Variants in PRSS54 observed in about 807,000 individuals in gnomAD.
PRSS54 encodes serine protease 54.
In PRSS54, 16 loss-of-function variants were observed where a neutral mutation model predicts 19.9. The observed-to-expected ratio is 0.80, with a 90% CI of 0.54 to 1.22. PRSS54 has a LOEUF of 1.22. Among genes scored for constraint, PRSS54 ranks in the 50% most tolerant of loss-of-function variants. The pLI is 0.00. For missense variants in PRSS54, 444 were observed against 494.8 expected (o/e 0.90, Z 0.97); for synonymous variants, 177 against 195.8 (o/e 0.90, Z 0.80).
intron 5 of PRSS54, among the ~76,000 whole-genome samples, chr16:58,285,526 CA>C (rs1337921363): frequency 6.6e-6 from 1 of 152,054 alleles, no homozygotes; most frequent in African/African-American, 2.4e-5. Context: ...TGCTTGAGCC[CA>C]GGAGTTCGAT....
chr16:58,286,076 T>C lies in PRSS54; in HGVS notation c.383A>G (p.Asn128Ser). Residue 128 changes from asparagine (N) to serine (S), a missense_variant, in exon 5 of 7, where the codon AAC (asparagine) becomes AGC (serine). Transcript: ENST00000567164. ...HEDFDNNSMSNNIALLKTDTA... is the reference protein window; with the variant it reads ...HEDFDNNSMSSNIALLKTDTA... The stretch of plus-strand genomic sequence containing the variant: ...GTCTGTCTTCAGGAGGGCTATGTTG[T>C]TGCTCATGGAGTTGTTATCAAAGTC... The C allele has an allele frequency of 6.2e-7, 1 of 1,614,234 alleles. No individual in the cohort carries two copies. The highest frequency in any genetic ancestry group is 8.5e-7 in the Non-Finnish European group (1 of 1,180,040).
In PRSS54 at chr16:58,284,624, C is replaced by G; in HGVS notation, c.620G>C (p.Ser207Thr). The change falls in exon 6 of 7, where the codon AGC (serine) becomes ACC (threonine). Residue 207 changes from serine (S) to threonine (T), a missense_variant. Physicochemically the swap from Ser to Thr is moderately conservative, Grantham distance 58. Coordinates refer to ENST00000567164, the MANE Select transcript of PRSS54 (RefSeq NM_001305173.2). The part of the protein sequence containing the change: ...LYKLQKTECG[S>T]HTKEETKTAC... ...AGTCTTGGTTTCCTCTTTCGTGTGG[C>G]TGCCGCATTCTGTCTTCTGGAGTTT... 1 of 1,614,072 alleles carries G rather than the reference C, an allele frequency of 6.2e-7. No individual in the cohort carries two copies. The highest frequency in any genetic ancestry group is 8.5e-7 in the Non-Finnish European group (1 of 1,179,996).
Position 58,293,773 on chromosome 16 carries a change from C to T in PRSS54, c.44G>A (p.Gly15Glu), listed in dbSNP as rs541944968. 1.5e-5 allele frequency: 24 copies of T among 1,613,424 alleles called. No homozygotes were observed. The South Asian group carries it at 2.3e-4, about 16-fold the overall frequency. ...AGLSGDGKMRGVLLVLLGLLY... is the reference protein window; with the variant it reads ...AGLSGDGKMREVLLVLLGLLY... ...AAGGCCGAGCAGCACCAGGAGCACC[C>T]CTCGCATCTTGCCATCCCCAGAGAG... Residue 15 changes from glycine to glutamate, a missense_variant, in exon 3 of 7, where the codon GGG (glycine) becomes GAG (glutamate). Transcript: ENST00000567164.
intron 4 of PRSS54, among the ~76,000 whole-genome samples, chr16:58,286,520 A>G (rs1357957826): frequency 1.3e-5 from 2 of 151,378 alleles, no homozygotes; most frequent in East Asian, 1.9e-4. Context: ...TACATATTGT[A>G]GTTTGCAAAA....
intron 4 of PRSS54, among the ~76,000 whole-genome samples, chr16:58,289,087 G>A (rs1279334026): frequency 6.6e-6 from 1 of 152,192 alleles, no homozygotes; most frequent in Non-Finnish European, 1.5e-5. Context: ...TGAGGTATAA[G>A]GCTGGGGCTG....
In PRSS54 at chr16:58,291,001, C is replaced by T. The variant is rs754018458; in HGVS notation, c.221G>A (p.Ser74Asn). The change falls in exon 4 of 7, where the codon AGC becomes AAC. Residue 74 changes from serine (S) to asparagine (N), a missense_variant. By Grantham distance (46) the Ser-to-Asn change is conservative. Transcript: ENST00000567164. ...TGCGATGCTGAGGACCCAGAACTCG[C>T]TCAGGATGCAGCCGAAAGCCAGGTG... ...YTHLAFGCIL[S>N]EFWVLSIASA... The T allele has an allele frequency of 1.2e-6, 2 of 1,614,258 alleles. No homozygotes were observed. Among genetic ancestry groups the T allele is most frequent in the Admixed American group, 1.7e-5 (1 of 60,034 alleles).
intron 4 of PRSS54, among the ~76,000 whole-genome samples, chr16:58,289,639 T>G (rs1010904570): frequency 1.3e-5 from 2 of 151,918 alleles, no homozygotes; most frequent in African/African-American, 4.8e-5. Flanking sequence ...TGGCACAATC[T>G]TAGTTCACTG....
chr16:58,282,710 G>A (rs1328033085), intron 6 of PRSS54: 1 of 152,284 alleles, frequency 6.6e-6, no homozygotes, highest in Non-Finnish European at 1.5e-5. Flanking sequence ...AGAGGCCCTT[G>A]TGTGCACCTC....
chr16:58,284,570 C>G lies in PRSS54; in HGVS notation c.654+20G>C, dbSNP rs1964863516. 1.9e-6 allele frequency: 3 copies of G among 1,613,590 alleles called. No individual in the cohort carries two copies. Among genetic ancestry groups the G allele is most frequent in the Non-Finnish European group, 2.5e-6 (3 of 1,179,740 alleles). On this transcript the variant is annotated intron_variant, in intron 6 of 6. Coordinates refer to ENST00000567164, the MANE Select transcript of PRSS54 (RefSeq NM_001305173.2). ...AAGGCTTACTCTCAACACTTAGCTT[C>G]TACTCCATGATGTTCTTACCAAGCA...
At chr16:58,289,980 A>C (rs1240827710) in intron 4 of PRSS54, among the ~76,000 whole-genome samples, 1 of 151,938 alleles carries the variant, frequency 6.6e-6, no homozygotes, top group Non-Finnish European at 1.5e-5. Flanking sequence ...AGCCAATTAT[A>C]GTCATTATTC....
intron 6 of PRSS54, chr16:58,283,226 A>C (rs369777221): frequency 6.6e-6 from 1 of 152,206 alleles, no homozygotes; most frequent in South Asian, 2.1e-4. Flanking sequence ...TTGATTCTAC[A>C]TGTGGGAATT....
intron 3 of PRSS54, among the ~76,000 whole-genome samples, chr16:58,292,720 A>G (rs1158009590): frequency 6.6e-6 from 1 of 152,214 alleles, no homozygotes; most frequent in Admixed American, 6.5e-5. Context: ...TTTTTGGGAC[A>G]TTGGCAATCT....
intron 4 of PRSS54, among the ~76,000 whole-genome samples, chr16:58,286,517 T>G (rs1253611876): frequency 6.6e-6 from 1 of 152,046 alleles, no homozygotes; most frequent in Non-Finnish European, 1.5e-5. Context: ...TTTTACATAT[T>G]GTAGTTTGCA....
intron 4 of PRSS54, among the ~76,000 whole-genome samples, chr16:58,288,693 G>A (rs2142648124): frequency 6.6e-6 from 1 of 152,264 alleles, no homozygotes; most frequent in Middle Eastern, 3.4e-3. Context: ...GCGTGTACAA[G>A]TATTTCTGTT....
intron 4 of PRSS54, among the ~76,000 whole-genome samples, chr16:58,289,575 C>CT (rs11371804): frequency 0.72 from 104,611 of 145,986 alleles, 37,708 homozygotes; most frequent in African/African-American, 0.78. Flanking sequence ...TTACTACATA[C>CT]TTTTTTTTTT....
Position 58,280,260 on chromosome 16 carries a change from A to G in PRSS54, c.1152T>C (p.Val384=), listed in dbSNP as rs1465690102. ...TGCAAAAGAAAACAAGCACGAAGGA[A>G]ACCAAGATGATTTCTTCGGGCTGAT... ...RLYQPEEIIL[V]SFVLVFFCSS... Residue 384 remains valine (V), a synonymous_variant, in exon 7 of 7, where the codon GTT becomes GTC. Transcript: ENST00000567164. 3.7e-6 allele frequency: 6 copies of G among 1,613,658 alleles called. No individual in the cohort carries two copies. Among genetic ancestry groups the G allele is most frequent in the Non-Finnish European group, 5.1e-6 (6 of 1,179,878 alleles).
At chr16:58,293,163 G>C (rs562462647) in intron 3 of PRSS54, among the ~76,000 whole-genome samples, 1 of 152,252 alleles carries the variant, frequency 6.6e-6, no homozygotes, top group South Asian at 2.1e-4. Flanking sequence ...CAGGGAGGCA[G>C]GGCAGGGCGG....
intron 4 of PRSS54, among the ~76,000 whole-genome samples, chr16:58,290,041 CTA>C (rs937954981): frequency 4.0e-5 from 6 of 150,288 alleles, no homozygotes; most frequent in African/African-American, 9.8e-5. Context: ...AGATTATATA[CTA>C]TATGTTACAT....
At chr16:58,286,489 A>G (rs539427652) in intron 4 of PRSS54, among the ~76,000 whole-genome samples, 31 of 97,044 alleles carry the variant, frequency 3.2e-4, no homozygotes, top group African/African-American at 1.3e-3. Context: ...TGTTTTTTCT[A>G]TGAATAGTTT....
Sources: gnomAD v4.1 joint callset for allele counts (sites outside exome capture counted in the v4.1 genomes callset) on GRCh38, gnomAD v4.1.1 for gene constraint, MANE v1.5 for transcripts, NCBI Gene and HGNC (gene_info 2026-07-23, HGNC 2026-07-21) for gene names.